The following EFCAB6 variants were observed in gnomAD, a reference collection of about 807,000 sequenced individuals.
EFCAB6 encodes EF-hand calcium binding domain 6.
In EFCAB6, 156 loss-of-function variants were observed where a neutral mutation model predicts 169.8. The observed-to-expected ratio is 0.92, with a 90% CI of 0.81 to 1.05. The LOEUF (loss-of-function observed/expected upper bound fraction) is 1.05, where lower values mean the gene tolerates loss of function less well. Ranked by LOEUF, EFCAB6 falls within the 50% of genes least tolerant of loss-of-function variation. EFCAB6 has a pLI of 0.00. For missense variants in EFCAB6, 1,800 were observed against 1,829.1 expected, an observed-to-expected ratio of 0.98 and a Z score of 0.29; for synonymous variants, 698 against 676.4, an observed-to-expected ratio of 1.03 and a Z score of -0.50.
rs533733288 is a variant in EFCAB6 at position 43,667,495 on chromosome 22, G to A, written c.1815-223C>T. On this transcript the variant is annotated intron_variant, in intron 16 of 31. Transcript: ENST00000262726. ...TCCCCAGCACAGTGTCCAAGTGAAAGCCCATGTACAGTGGCAGGCTGGGGA... is the reference window on the plus strand; with the variant it reads ...TCCCCAGCACAGTGTCCAAGTGAAAACCCATGTACAGTGGCAGGCTGGGGA... 2.0e-5 allele frequency among the ~76,000 whole-genome samples: 3 copies of A among 152,262 alleles called. No individual in the cohort carries two copies. In the South Asian group the frequency reaches 6.2e-4, roughly 32 times the overall value.
At position 43,788,230 on chromosome 22, in the gene EFCAB6, T is replaced by C. The variant is rs547356149; in HGVS notation, c.-7-5905A>G. Among the ~76,000 whole-genome samples, 27 of 152,282 alleles carry C rather than the reference T, an allele frequency of 1.8e-4. 1 individual carries two copies. In the South Asian group the frequency reaches 5.6e-3, roughly 32 times the overall value. On this transcript the variant is annotated intron_variant, in intron 2 of 31. Transcript: ENST00000262726. ...GGCAACTAAAGAAGAAGTAGATTAA[T>C]TGGACTTCATCAAACTTTAAAACTT...
At chr22:43,793,610 C>A (rs1273999239) in intron 2 of EFCAB6, among the ~76,000 whole-genome samples, 2 of 128,498 alleles carry the variant, frequency 1.6e-5, no homozygotes, top group East Asian at 4.5e-4. Flanking sequence ...AAGGAAAGAA[C>A]AAGGCATCCC....
At chr22:43,767,959 C>T (rs1368823073) in intron 4 of EFCAB6, among the ~76,000 whole-genome samples, 1 of 152,170 alleles carries the variant, frequency 6.6e-6, no homozygotes, top group Non-Finnish European at 1.5e-5. Flanking sequence ...AGACGAATTG[C>T]TGAAAGCGAA....
chr22:43,634,945 T>G (rs532244295), intron 18 of EFCAB6, among the ~76,000 whole-genome samples, 157 bp downstream of exon 18: 44 of 152,192 alleles, frequency 2.9e-4, no homozygotes, highest in African/African-American at 1.0e-3. Context: ...TCAGATAAAA[T>G]GAAATAAAAA....
At chr22:43,695,375 T>C (rs1363827785) in intron 10 of EFCAB6, among the ~76,000 whole-genome samples, 1 of 152,054 alleles carries the variant, frequency 6.6e-6, no homozygotes, top group Non-Finnish European at 1.5e-5. Context: ...GAAAGTAGCA[T>C]GTTTATGGAG....
At chr22:43,658,049 T>C (rs903027049) in intron 17 of EFCAB6, among the ~76,000 whole-genome samples, 7 of 151,844 alleles carry the variant, frequency 4.6e-5, no homozygotes, top group African/African-American at 1.2e-4. Context: ...GCCAACATGG[T>C]GAAACCCCGT....
intron 26 of EFCAB6, among the ~76,000 whole-genome samples, chr22:43,565,979 C>T (rs1315552318): frequency 6.7e-6 from 1 of 148,898 alleles, no homozygotes; most frequent in Non-Finnish European, 1.5e-5. Context: ...TAAATGAATG[C>T]TAAAAATAAC....
At chr22:43,790,085 A>G (rs1234238974) in intron 2 of EFCAB6, among the ~76,000 whole-genome samples, 2 of 152,308 alleles carry the variant, frequency 1.3e-5, no homozygotes, top group African/African-American at 2.4e-5. Context: ...AGAAATCCAC[A>G]TTGGCTAGTA....
intron 2 of EFCAB6, among the ~76,000 whole-genome samples, chr22:43,793,881 G>A (rs200125273): frequency 2.0e-5 from 3 of 152,298 alleles, no homozygotes; most frequent in East Asian, 3.9e-4. Flanking sequence ...ATTTGTTATT[G>A]TTATTAATAC....
intron 21 of EFCAB6, among the ~76,000 whole-genome samples, chr22:43,613,941 T>A (rs955476033): frequency 6.6e-6 from 1 of 151,996 alleles, no homozygotes; most frequent in African/African-American, 2.4e-5. Context: ...AGCCTGGTCT[T>A]ATTTGCAAGA....
intron 9 of EFCAB6, among the ~76,000 whole-genome samples, chr22:43,712,322 A>AATT (rs1345334105): frequency 5.0e-5 from 5 of 99,626 alleles, no homozygotes; most frequent in South Asian, 7.4e-4. Context: ...CAACCATCCC[A>AATT]CTTTGTCTGA....
In EFCAB6 at chr22:43,763,335, G is replaced by A. The variant is rs536366432; in HGVS notation, c.440+1970C>T. 2.6e-5 allele frequency among the ~76,000 whole-genome samples: 4 copies of A among 152,086 alleles called. No individual in the cohort carries two copies. The East Asian group carries it at 5.8e-4, about 22-fold the overall frequency. On this transcript the variant is annotated intron_variant, in intron 5 of 31. Transcript: ENST00000262726. ...ATTACAGGCACGAGCCACCATGCCCGGCCATCTTTTTTTTTAATTGTGATA... is the reference window on the plus strand; with the variant it reads ...ATTACAGGCACGAGCCACCATGCCCAGCCATCTTTTTTTTTAATTGTGATA...
chr22:43,566,358 T>G (rs1461497487), intron 26 of EFCAB6, among the ~76,000 whole-genome samples: 1 of 152,202 alleles, frequency 6.6e-6, no homozygotes, highest in Non-Finnish European at 1.5e-5. Flanking sequence ...AATCCGAAGA[T>G]TCCAGAACTT....
chr22:43,771,499 T>C (rs977250737), intron 4 of EFCAB6, among the ~76,000 whole-genome samples: 5 of 152,182 alleles, frequency 3.3e-5, no homozygotes, highest in African/African-American at 1.2e-4. Flanking sequence ...TATACTTGTC[T>C]GTGTGTGTGC....
At chr22:43,745,311 C>A (rs1351752563) in intron 6 of EFCAB6, among the ~76,000 whole-genome samples, 2 of 152,234 alleles carry the variant, frequency 1.3e-5, no homozygotes, top group African/African-American at 2.4e-5. Flanking sequence ...GCCTGGAAAA[C>A]AATCCCTCTG....
chr22:43,674,191 C>T (rs1436829144), intron 13 of EFCAB6, among the ~76,000 whole-genome samples: 1 of 152,158 alleles, frequency 6.6e-6, no homozygotes, highest in Non-Finnish European at 1.5e-5. Flanking sequence ...AATAACAATG[C>T]TTTGGTGTTA....
At chr22:43,659,190 G>A (rs998565430) in intron 17 of EFCAB6, among the ~76,000 whole-genome samples, 3 of 152,162 alleles carry the variant, frequency 2.0e-5, no homozygotes, top group Non-Finnish European at 2.9e-5. Flanking sequence ...GACTCTTACT[G>A]TTTGTCCCTC....
intron 21 of EFCAB6, among the ~76,000 whole-genome samples, chr22:43,610,933 C>T (rs2053255724): frequency 2.0e-5 from 3 of 152,154 alleles, no homozygotes; most frequent in Admixed American, 2.0e-4. Flanking sequence ...GTCCCCAAAA[C>T]TGGAGAGACA....
intron 13 of EFCAB6, among the ~76,000 whole-genome samples, chr22:43,677,559 T>C (rs974664194): frequency 1.3e-5 from 2 of 152,038 alleles, no homozygotes; most frequent in African/African-American, 4.8e-5. Context: ...GGCAGGAGAA[T>C]TGCTTGAACC....
Sources: allele counts gnomAD v4.1 joint callset (sites outside exome capture counted in the v4.1 genomes callset), GRCh38; gene constraint gnomAD v4.1.1; transcripts MANE v1.5; gene names NCBI Gene and HGNC (gene_info 2026-07-23, HGNC 2026-07-21).